The following SNW1 variants were observed in gnomAD, a reference collection of about 807,000 sequenced individuals.
SNW1 encodes SNW domain-containing protein 1.
SNW1 carries 9 observed loss-of-function variants against 75.6 expected under a neutral mutation model. The observed-to-expected ratio is 0.12, with a 90% CI of 0.07 to 0.21. SNW1 has a LOEUF of 0.21. SNW1 is among the 10% of genes least tolerant of loss of function. The pLI is 1.00. For synonymous variants in SNW1, 200 were observed against 219.1 expected, an observed-to-expected ratio of 0.91 and a Z score of 0.77; for missense variants, 409 against 670.9, an observed-to-expected ratio of 0.61 and a Z score of 4.31.
chr14:77,739,806 A>C (rs1328840587), intron 3 of SNW1, among the ~76,000 whole-genome samples: 2 of 152,090 alleles, frequency 1.3e-5, no homozygotes, highest in African/African-American at 4.8e-5. Flanking sequence ...AAATATTTTC[A>C]TAACAATTTA....
Position 77,751,846 on chromosome 14 carries a change from C to A in SNW1, c.169-366G>T, listed in dbSNP as rs200447265. On this transcript the variant is annotated intron_variant, in intron 2 of 13. Transcript: ENST00000261531. Reference sequence around the variant, plus strand: ...CACACACACACACACACACACACACCACACACACACACACACAAAGCATTT... The same window carrying A: ...CACACACACACACACACACACACACAACACACACACACACACAAAGCATTT... Among the ~76,000 whole-genome samples the A allele has an allele frequency of 1.8e-3, 178 of 98,874 alleles. 1 individual carries two copies. The highest frequency in any genetic ancestry group is 7.9e-3 in the African/African-American group (147 of 18,562). The allele number at this position is 98,874 out of a possible 152,430, so 64.9% of individuals were successfully genotyped here. A position where few individuals can be genotyped will look rare whatever the true frequency, so the allele number is the denominator to read the frequency against.
At chr14:77,722,403 T>C (rs906954756) in intron 11 of SNW1, 2 of 378,384 alleles carry the variant, frequency 5.3e-6, no homozygotes, top group African/African-American at 4.2e-5. Flanking sequence ...TGAGCTGATT[T>C]TCTACTTCTT....
At chr14:77,748,038 G>A (rs868005701) in intron 3 of SNW1, among the ~76,000 whole-genome samples, 10 of 152,344 alleles carry the variant, frequency 6.6e-5, no homozygotes, top group Middle Eastern at 3.4e-3. Context: ...GGAAGTAGAC[G>A]TAGGAGACTC....
At chr14:77,737,331 G>GGTGCCT (rs1479143145) in intron 5 of SNW1, among the ~76,000 whole-genome samples, 3 of 152,080 alleles carry the variant, frequency 2.0e-5, no homozygotes, top group African/African-American at 7.2e-5. Context: ...CAACATGGAA[G>GGTGCCT]GTGCCGTGTT....
chr14:77,733,072 TTA>T (rs1260495100), intron 8 of SNW1, among the ~76,000 whole-genome samples: 1 of 152,198 alleles, frequency 6.6e-6, no homozygotes, highest in Non-Finnish European at 1.5e-5. Context: ...AATGAGTGCT[TTA>T]TGTAGAAGAT....
chr14:77,751,195 G>A (rs572068386), intron 3 of SNW1, 124 bp downstream of exon 3: 10 of 962,506 alleles, frequency 1.0e-5, no homozygotes, highest in Middle Eastern at 3.3e-4. Context: ...ATATAGGTAC[G>A]AGCCACCATG....
Position 77,734,984 on chromosome 14 carries a change from T to C in SNW1, c.737A>G (p.Lys246Arg). ...CCAGTTAGAAATACAAGGAGGAATC[T>C]TCCACTCTTGTTGTTCCTTTACAGT... ...KMTVKEQQEW[K>R]IPPCISNWKN... Residue 246 changes from lysine to arginine, a missense_variant, in exon 8 of 14, where the codon AAG becomes AGG. Transcript: ENST00000261531. 6.2e-7 allele frequency: 1 copy of C among 1,611,842 alleles called. No individual in the cohort carries two copies. Among genetic ancestry groups the C allele is most frequent in the Non-Finnish European group, 8.5e-7 (1 of 1,178,104 alleles).
chr14:77,761,028 C>A, intron 1 of SNW1, 86 bp downstream of exon 1: 5 of 1,614,214 alleles, frequency 3.1e-6, no homozygotes, highest in Non-Finnish European at 4.2e-6. Flanking sequence ...CGGGTCAGGT[C>A]ACCGCCCGGA....
intron 1 of SNW1, among the ~76,000 whole-genome samples, chr14:77,760,252 A>G (rs1405291998): frequency 2.6e-5 from 4 of 151,318 alleles, no homozygotes; most frequent in Non-Finnish European, 5.9e-5. Flanking sequence ...CATCAGCCAG[A>G]AAAAAAAACA....
chr14:77,727,583 G>A (rs2080595591), intron 10 of SNW1, among the ~76,000 whole-genome samples: 1 of 152,148 alleles, frequency 6.6e-6, no homozygotes, highest in Admixed American at 6.5e-5. Context: ...TTTGTTGAGA[G>A]TTTTTATCAT....
At chr14:77,725,268 T>C (rs188164963) in intron 10 of SNW1, among the ~76,000 whole-genome samples, 3 of 152,356 alleles carry the variant, frequency 2.0e-5, no homozygotes, top group Admixed American at 1.3e-4. Context: ...TTGCAACCAT[T>C]TTCTTCCATT....
intron 10 of SNW1, among the ~76,000 whole-genome samples, chr14:77,723,730 C>T (rs1238695579): frequency 1.3e-5 from 2 of 152,108 alleles, no homozygotes; most frequent in African/African-American, 4.8e-5. Context: ...TCTCAGCTCA[C>T]CGCAACCTCT....
At chr14:77,732,734 G>A (rs938270485) in intron 8 of SNW1, 133 bp from the exon 9 acceptor site, 15 of 617,320 alleles carry the variant, frequency 2.4e-5, no homozygotes, top group African/African-American at 7.4e-5. Context: ...GTGCCATCTC[G>A]GCTCACTGCA....
intron 1 of SNW1, among the ~76,000 whole-genome samples, chr14:77,759,866 C>T (rs907061592): frequency 6.6e-5 from 10 of 151,822 alleles, no homozygotes; most frequent in African/African-American, 2.4e-4. Flanking sequence ...GCCTGTAATC[C>T]TAGCACTTTC....
chr14:77,719,419 C>A (rs537497242), intron 12 of SNW1, among the ~76,000 whole-genome samples: 3 of 152,174 alleles, frequency 2.0e-5, no homozygotes, highest in South Asian at 2.1e-4. Context: ...AGGAGGATCA[C>A]GAGGTCAGGA....
At chr14:77,756,771 C>T (rs767897230) in intron 1 of SNW1, among the ~76,000 whole-genome samples, 1 of 152,082 alleles carries the variant, frequency 6.6e-6, no homozygotes, top group Non-Finnish European at 1.5e-5. Context: ...TAATCCCACT[C>T]GGGAGGCTGA....
chr14:77,760,302 G>T (rs763217410), intron 1 of SNW1, among the ~76,000 whole-genome samples: 2 of 152,150 alleles, frequency 1.3e-5, no homozygotes, highest in Non-Finnish European at 2.9e-5. Flanking sequence ...AGCTCAAGCT[G>T]ATGTCCTGAA....
At chr14:77,720,392 C>A in intron 12 of SNW1, 1 of 651,902 alleles carries the variant, frequency 1.5e-6, no homozygotes, top group Non-Finnish European at 2.8e-6. Flanking sequence ...GCTTCGGCCT[C>A]CAAATGTGTT....
rs780377517 is a variant in SNW1, at chr14:77,723,161, A to C, written c.1130+20T>G. 3 of 1,595,706 alleles carry C rather than the reference A, an allele frequency of 1.9e-6. No individual in the cohort carries two copies. In the South Asian group the frequency reaches 3.3e-5, roughly 18 times the overall value. On this transcript the variant is annotated intron_variant, in intron 11 of 13. Transcript: ENST00000261531. The stretch of plus-strand genomic sequence containing the variant: ...TGCGCCCGGCCACCATGATTGGTAC[A>C]CATCTTAAATAACACCTACCTCTTA...
Sources: gnomAD v4.1 joint callset for allele counts (sites outside exome capture counted in the v4.1 genomes callset) on GRCh38, gnomAD v4.1.1 for gene constraint, MANE v1.5 for transcripts, NCBI Gene and HGNC (gene_info 2026-07-23, HGNC 2026-07-21) for gene names.